Variants in SFXN5 observed in about 807,000 individuals in gnomAD.
SFXN5 encodes the protein sideroflexin 5, also known as sideroflexin-5.
Under a neutral mutation model 50.2 loss-of-function variants are expected in SFXN5, and 43 were observed. The ratio of observed to expected loss-of-function variants is 0.86; its 90% CI spans 0.67 to 1.11. The LOEUF is 1.11. Among genes scored for constraint, SFXN5 ranks in the 50% least tolerant of loss-of-function variants. The probability of loss-of-function intolerance (pLI) is 0.00; values close to 1 mark genes in which losing one functional copy is unlikely to be tolerated. For missense variants in SFXN5, 463 were observed against 454.1 expected (o/e 1.02, Z -0.18); for synonymous variants, 203 against 185.8 (o/e 1.09, Z -0.75).
intron 6 of SFXN5, among the ~76,000 whole-genome samples, chr2:73,010,765 T>C (rs1675402594): frequency 6.6e-6 from 1 of 152,194 alleles, no homozygotes; most frequent in Non-Finnish European, 1.5e-5. Context: ...ACTTAGAATT[T>C]AAAATGTGTT....
At chr2:72,957,127 C>T (rs192408332) in intron 13 of SFXN5, 383 of 455,240 alleles carry the variant, frequency 8.4e-4, no homozygotes, top group African/African-American at 7.2e-3. Flanking sequence ...CATCCCCTTT[C>T]TCAGCTTCAA....
At chr2:73,017,896 C>G (rs1487118346) in intron 6 of SFXN5, among the ~76,000 whole-genome samples, 3 of 152,076 alleles carry the variant, frequency 2.0e-5, no homozygotes, top group Non-Finnish European at 2.9e-5. Flanking sequence ...TTGGAGAAAT[C>G]AATTATTCTA....
At position 72,950,321 on chromosome 2, in the gene SFXN5, T is replaced by C. The variant is rs1194776420; in HGVS notation, c.946-5222A>G. ...GCTGAGAGGCTTTGGTCTTGGCAACTGGATTTCAGTGACTGCCTGGGGTCC... is the reference window on the plus strand; with the variant it reads ...GCTGAGAGGCTTTGGTCTTGGCAACCGGATTTCAGTGACTGCCTGGGGTCC... On this transcript the variant is annotated intron_variant, in intron 13 of 13. Coordinates refer to ENST00000272433, the MANE Select transcript of SFXN5 (RefSeq NM_144579.3). This position sits in a 1 kb window ranked among gnomAD's most constrained non-coding sequence, Gnocchi z 4.2. Among the ~76,000 whole-genome samples the C allele has an allele frequency of 6.6e-6, 1 of 152,178 alleles. No homozygotes were observed. The highest frequency in any genetic ancestry group is 2.4e-5 in the African/African-American group (1 of 41,432).
rs1231315527 is a variant in SFXN5, at chr2:73,055,684, TCGCCTCACTGCAAGCTC to T, written c.171+2827_171+2843del. ...ACGATCTCAGCACAATGGCACGATC[TCGCCTCACTGCAAGCTC>T]CGCCTCCCAAGTTCACGCCATTCTC... On this transcript the variant is annotated intron_variant, in intron 2 of 13. Transcript: ENST00000272433. Among the ~76,000 whole-genome samples, 8 of 150,636 alleles carry T rather than the reference TCGCCTCACTGCAAGCTC, an allele frequency of 5.3e-5. No homozygotes were observed. In the Admixed American group the frequency reaches 5.3e-4, roughly 10 times the overall value.
In SFXN5 at chr2:72,975,074, T is replaced by C. The variant is rs1315984571; in HGVS notation, c.626-3389A>G. 3.9e-5 allele frequency among the ~76,000 whole-genome samples: 6 copies of C among 152,150 alleles called. No individual in the cohort carries two copies. The East Asian group carries it at 1.2e-3, about 29-fold the overall frequency. On this transcript the variant is annotated intron_variant, in intron 10 of 13. Coordinates refer to ENST00000272433, the MANE Select transcript of SFXN5 (RefSeq NM_144579.3). ...GATGTTTGAGCAGCAATGTGGGAGA[T>C]GTCAAGGAATGAGAGAGAGAAAGAG...
intron 12 of SFXN5, among the ~76,000 whole-genome samples, chr2:72,962,842 C>T (rs1489959040): frequency 6.6e-6 from 1 of 152,182 alleles, no homozygotes; most frequent in Non-Finnish European, 1.5e-5. Flanking sequence ...GCTGCTAAAT[C>T]CGGCCTGAAT....
rs139591569 is a variant in SFXN5, at chr2:73,024,003, C to T, written c.250-789G>A. On this transcript the variant is annotated intron_variant, in intron 3 of 13. Coordinates refer to ENST00000272433, the MANE Select transcript of SFXN5 (RefSeq NM_144579.3). ...AAGATATACTATCATGTGCCGCATACGAAAGAAAACTATGACTGTAATACC... is the reference window on the plus strand; with the variant it reads ...AAGATATACTATCATGTGCCGCATATGAAAGAAAACTATGACTGTAATACC... Among the ~76,000 whole-genome samples the T allele has an allele frequency of 8.5e-5, 13 of 152,082 alleles. No homozygotes were observed. In the East Asian group the frequency reaches 2.1e-3, roughly 25 times the overall value.
chr2:72,989,899 G>C (rs966534712), intron 9 of SFXN5, among the ~76,000 whole-genome samples: 1 of 152,194 alleles, frequency 6.6e-6, no homozygotes, highest in African/African-American at 2.4e-5. Context: ...CTCCTGGCCT[G>C]ACGGGCCGGG....
At chr2:73,024,723 G>C (rs536899075) in intron 3 of SFXN5, among the ~76,000 whole-genome samples, 7 of 152,276 alleles carry the variant, frequency 4.6e-5, no homozygotes, top group African/African-American at 1.7e-4. Context: ...GAGAAAGAAG[G>C]CTATGCGGCT....
intron 6 of SFXN5, among the ~76,000 whole-genome samples, chr2:73,009,265 C>T (rs1445671602): frequency 3.3e-5 from 5 of 152,240 alleles, no homozygotes; most frequent in African/African-American, 4.8e-5. Context: ...CTTAAATGTT[C>T]AGTGCTACCA....
chr2:72,958,070 G>A (rs1673304819), intron 13 of SFXN5, among the ~76,000 whole-genome samples: 1 of 152,224 alleles, frequency 6.6e-6, no homozygotes, highest in Admixed American at 6.5e-5. Flanking sequence ...TGAGACCAGG[G>A]TGGCTCACTT....
chr2:73,038,853 C>T (rs906106827), intron 3 of SFXN5, among the ~76,000 whole-genome samples: 1 of 152,022 alleles, frequency 6.6e-6, no homozygotes. Context: ...AAAACTAAGA[C>T]ACAAACAAAC....
At position 72,994,679 on chromosome 2, in the gene SFXN5, C is replaced by T. The variant is rs189964547; in HGVS notation, c.534+4270G>A. Among the ~76,000 whole-genome samples, 27 of 152,120 alleles carry T rather than the reference C, an allele frequency of 1.8e-4. No individual in the cohort carries two copies. The East Asian group carries it at 2.5e-3, about 14-fold the overall frequency. On this transcript the variant is annotated intron_variant, in intron 9 of 13. Transcript: ENST00000272433. ...AGGCCCCTTGTCCATGAGGGTGGCC[C>T]CACCCCTTCTCCTCCAGCCCACTTC...
chr2:73,034,944 C>G (rs1678782374), intron 3 of SFXN5, among the ~76,000 whole-genome samples: 2 of 152,216 alleles, frequency 1.3e-5, no homozygotes, highest in African/African-American at 4.8e-5. Flanking sequence ...TGTCTCTTCT[C>G]TCTGTCTCTG....
At chr2:73,068,077 C>T (rs1559225169) in intron 1 of SFXN5, among the ~76,000 whole-genome samples, 1 of 152,220 alleles carries the variant, frequency 6.6e-6, no homozygotes, top group Non-Finnish European at 1.5e-5. Flanking sequence ...TGACCCTCCA[C>T]ACCCTCCACC....
intron 6 of SFXN5, 192 bp downstream of exon 6, chr2:73,020,047 T>C: frequency 1.7e-6 from 1 of 583,274 alleles, no homozygotes; most frequent in South Asian, 2.2e-5. Flanking sequence ...TCAGGCTTTT[T>C]ATGAAAAGAG....
At chr2:73,006,866 C>G (rs921450941) in intron 6 of SFXN5, among the ~76,000 whole-genome samples, 9 of 152,242 alleles carry the variant, frequency 5.9e-5, no homozygotes, top group Non-Finnish European at 1.2e-4. Flanking sequence ...GGGCCATCAG[C>G]CCATCTCTAG....
In SFXN5 at chr2:73,065,960, C is replaced by T. The variant is rs148694492; in HGVS notation, c.102+5644G>A. Among the ~76,000 whole-genome samples the T allele has an allele frequency of 4.3e-4, 65 of 151,988 alleles. 2 individuals are homozygous for T. The East Asian group carries it at 0.011, about 26-fold the overall frequency. On this transcript the variant is annotated intron_variant, in intron 1 of 13. Transcript: ENST00000272433. ...AACATGGCAAACATGGTGTCTGGGC[C>T]GGAAGGAAAAACAGTGAGTTCAGGA...
chr2:73,022,599 ATGGGG>A, intron 4 of SFXN5, 23 bp from the exon 5 acceptor site: 1 of 790,118 alleles, frequency 1.3e-6, no homozygotes, highest in Non-Finnish European at 1.8e-6. Context: ...GGAACAGAGA[ATGGGG>A]TGGGGACGGG....
Sources: gnomAD v4.1 joint callset for allele counts (sites outside exome capture counted in the v4.1 genomes callset) on GRCh38, gnomAD v4.1.1 for gene constraint, Gnocchi (gnomAD v3.1) non-coding constraint, MANE v1.5 for transcripts, NCBI Gene and HGNC (gene_info 2026-07-23, HGNC 2026-07-21) for gene names.